The following LY86 variants were observed in gnomAD, a reference collection of about 807,000 sequenced individuals.
The protein encoded by LY86 is MD-1, RP105-associated.
A neutral mutation model predicts 17.3 loss-of-function variants in LY86; 20 were observed. That is an observed-to-expected ratio of 1.15 (90% CI 0.81 to 1.68). The LOEUF is 1.68. LY86 is among the 40% of genes most tolerant of loss of function. The pLI is 0.00. For synonymous variants in LY86, 74 were observed against 70.6 expected, an observed-to-expected ratio of 1.05 and a Z score of -0.24; for missense variants, 200 against 191.9, an observed-to-expected ratio of 1.04 and a Z score of -0.25.
chr6:6,649,717 C>G lies in LY86; in HGVS notation c.405+40C>G, dbSNP rs182690606. ...ACTTCTTGTATTAAATAGTTTGTTT[C>G]TTGAAGAAGAAGAAGAAGGCTAGAA... On this transcript the variant is annotated intron_variant, in intron 4 of 4. Coordinates refer to ENST00000230568, the MANE Select transcript of LY86 (RefSeq NM_004271.4). 1.8e-3 allele frequency: 2,179 copies of G among 1,191,734 alleles called. 4 individuals carry two copies. The highest frequency in any genetic ancestry group is 2.4e-3 in the Non-Finnish European group (1,960 of 826,962). The allele number at this position is 1,191,734 out of a possible 1,614,324, so 73.8% of individuals were successfully genotyped here. A position where few individuals can be genotyped will look rare whatever the true frequency, so the allele number is the denominator to read the frequency against.
Position 6,588,772 on chromosome 6 carries a change from T to G in LY86, c.38T>G (p.Leu13Arg). The stretch of plus-strand genomic sequence containing the variant: ...ACAGCCACTCTCTTCCTCTGGACTC[T>G]GATTTTTCCCAGCTGCAGTGGAGGC... ...GFTATLFLWTLIFPSCSGGGG... is the reference protein window; with the variant it reads ...GFTATLFLWTRIFPSCSGGGG... The change falls in exon 1 of 5, where the codon CTG becomes CGG. Residue 13 changes from leucine to arginine, a missense_variant. Coordinates refer to ENST00000230568, the MANE Select transcript of LY86 (RefSeq NM_004271.4). 1 of 1,614,180 alleles carries G rather than the reference T, an allele frequency of 6.2e-7. No individual in the cohort carries two copies. The highest frequency in any genetic ancestry group is 1.6e-4 in the Middle Eastern group (1 of 6,062).
chr6:6,626,646 T>G (rs934532127), intron 3 of LY86, among the ~76,000 whole-genome samples: 2 of 152,172 alleles, frequency 1.3e-5, no homozygotes, highest in African/African-American at 4.8e-5. Flanking sequence ...ATGACACGTA[T>G]GAGATGCTTT....
chr6:6,621,473 G>A (rs1201464427), intron 1 of LY86: 1 of 152,204 alleles, frequency 6.6e-6, no homozygotes, highest in Non-Finnish European at 1.5e-5. Flanking sequence ...GTAAAGCCTG[G>A]AAATTGATAC....
intron 1 of LY86, among the ~76,000 whole-genome samples, chr6:6,595,516 GCCCCA>G (rs1183008522): frequency 6.6e-6 from 1 of 151,328 alleles, no homozygotes; most frequent in South Asian, 2.1e-4. Context: ...CTTCCCTCCT[GCCCCA>G]CCCCACCCCA....
At chr6:6,600,609 A>T (rs56135688) in intron 1 of LY86, among the ~76,000 whole-genome samples, 330 of 93,846 alleles carry the variant, frequency 3.5e-3, no homozygotes, top group Middle Eastern at 0.016. Flanking sequence ...AAAAAAAAAA[A>T]AAAAAAAAAA....
chr6:6,603,631 A>AC lies in LY86; in HGVS notation c.136+14761_136+14762insC, dbSNP rs1287327567. 3.0e-5 allele frequency among the ~76,000 whole-genome samples: 4 copies of AC among 133,962 alleles called. 1 individual carries two copies. Among genetic ancestry groups the AC allele is most frequent in the Non-Finnish European group, 6.7e-5 (4 of 59,710 alleles). The allele number at this position is 133,962 out of a possible 152,430, so 87.9% of individuals were successfully genotyped here. A position where few individuals can be genotyped will look rare whatever the true frequency, so the allele number is the denominator to read the frequency against. Reference sequence around the variant, plus strand: ...AAAAAAAAACAAACAAAAAAAAACAAAACACACACACACACACACACACAG... The same window carrying AC: ...AAAAAAAAACAAACAAAAAAAAACAACAACACACACACACACACACACACAG... On this transcript the variant is annotated intron_variant, in intron 1 of 4. Coordinates refer to ENST00000230568, the MANE Select transcript of LY86 (RefSeq NM_004271.4).
At chr6:6,639,689 A>AC (rs1200182277) in intron 3 of LY86, among the ~76,000 whole-genome samples, 3 of 151,584 alleles carry the variant, frequency 2.0e-5, no homozygotes, top group Non-Finnish European at 2.9e-5. Flanking sequence ...ATTACATTGG[A>AC]CCCCCCTGGG....
chr6:6,606,820 C>T (rs1447157035), intron 1 of LY86, among the ~76,000 whole-genome samples: 2 of 152,272 alleles, frequency 1.3e-5, no homozygotes, highest in Admixed American at 6.5e-5. Flanking sequence ...CCACACCACC[C>T]CGCAAGCTGA....
chr6:6,598,733 CATT>C, intron 1 of LY86, among the ~76,000 whole-genome samples: 1 of 22,084 alleles, frequency 4.5e-5, no homozygotes, highest in East Asian at 5.2e-3. Context: ...CTACAGGCAT[CATT>C]GGAAACTCAT....
chr6:6,612,254 C>G (rs1174951544), intron 1 of LY86, among the ~76,000 whole-genome samples: 5 of 152,130 alleles, frequency 3.3e-5, no homozygotes, highest in African/African-American at 1.2e-4. Flanking sequence ...TTTATTCCTT[C>G]TGATGTTCAG....
chr6:6,607,566 A>C (rs1761219312), intron 1 of LY86, among the ~76,000 whole-genome samples: 1 of 152,192 alleles, frequency 6.6e-6, no homozygotes, highest in African/African-American at 2.4e-5. Context: ...GAAAGGCATA[A>C]AGAAAGAAAA....
chr6:6,605,225 C>G (rs893352577), intron 1 of LY86, among the ~76,000 whole-genome samples: 3 of 151,958 alleles, frequency 2.0e-5, no homozygotes, highest in Non-Finnish European at 4.4e-5. Flanking sequence ...TTCTGCATAA[C>G]AAATACCCTA....
chr6:6,592,387 C>T (rs1760557413), intron 1 of LY86, among the ~76,000 whole-genome samples: 2 of 152,292 alleles, frequency 1.3e-5, no homozygotes, highest in South Asian at 4.1e-4. Flanking sequence ...CCAGAGACTC[C>T]ACTCCATGCA....
At chr6:6,637,625 C>T (rs953855727) in intron 3 of LY86, among the ~76,000 whole-genome samples, 1 of 152,170 alleles carries the variant, frequency 6.6e-6, no homozygotes, top group African/African-American at 2.4e-5. Flanking sequence ...CCCACATCAC[C>T]CACTTGGATC....
At chr6:6,639,446 A>C (rs1374343986) in intron 3 of LY86, among the ~76,000 whole-genome samples, 1 of 152,228 alleles carries the variant, frequency 6.6e-6, no homozygotes, top group Non-Finnish European at 1.5e-5. Flanking sequence ...GTAGCCATTG[A>C]CAACACCATC....
chr6:6,589,994 G>A (rs9328373), intron 1 of LY86, among the ~76,000 whole-genome samples: 48,074 of 151,474 alleles, frequency 0.32, 8,096 homozygotes, highest in Non-Finnish European at 0.38. Flanking sequence ...GGTGGCACGC[G>A]CCTGTAATCC....
chr6:6,612,218 A>C (rs767174448), intron 1 of LY86, among the ~76,000 whole-genome samples: 3 of 152,200 alleles, frequency 2.0e-5, no homozygotes, highest in Non-Finnish European at 4.4e-5. Context: ...CTCACAGTTA[A>C]GTTCTTCAAG....
intron 1 of LY86, among the ~76,000 whole-genome samples, chr6:6,601,845 G>A (rs13196116): frequency 0.072 from 10,888 of 152,266 alleles, 549 homozygotes; most frequent in Non-Finnish European, 0.11. Flanking sequence ...CAGTACCTGG[G>A]ATGCCTGATT....
At chr6:6,605,500 T>G (rs564277404) in intron 1 of LY86, among the ~76,000 whole-genome samples, 7 of 152,240 alleles carry the variant, frequency 4.6e-5, no homozygotes, top group Admixed American at 1.3e-4. Flanking sequence ...CAGAGATCAG[T>G]GCCTTGCCAT....
Sources: allele counts gnomAD v4.1 joint callset (sites outside exome capture counted in the v4.1 genomes callset), GRCh38; gene constraint gnomAD v4.1.1; transcripts MANE v1.5; gene names NCBI Gene and HGNC (gene_info 2026-07-23, HGNC 2026-07-21).